The following C1orf21 variants were observed in gnomAD, a reference collection of about 807,000 sequenced individuals.
C1orf21 encodes chromosome 1 open reading frame 21, also known as uncharacterized protein C1orf21.
Under a neutral mutation model 18.7 loss-of-function variants are expected in C1orf21, and 3 were observed. That is an observed-to-expected ratio of 0.16 (90% CI 0.07 to 0.42). The LOEUF (loss-of-function observed/expected upper bound fraction) is 0.42, where lower values mean the gene tolerates loss of function less well. Among genes scored for constraint, C1orf21 ranks in the 10% least tolerant of loss-of-function variants. The pLI is 0.99. For synonymous variants in C1orf21, 41 were observed against 46.4 expected (o/e 0.88, Z 0.47); for missense variants, 104 against 143.6 (o/e 0.72, Z 1.41).
intron 2 of C1orf21, among the ~76,000 whole-genome samples, chr1:184,479,395 A>G (rs947696263): frequency 3.9e-5 from 6 of 152,348 alleles, no homozygotes; most frequent in Admixed American, 3.9e-4. Context: ...TGTGTCAAAC[A>G]TCGCAAGGCA....
chr1:184,491,218 GACAGTA>G (rs1657812098), intron 2 of C1orf21, among the ~76,000 whole-genome samples: 1 of 152,020 alleles, frequency 6.6e-6, no homozygotes, highest in Non-Finnish European at 1.5e-5. Flanking sequence ...TCATCTTTAT[GACAGTA>G]AAGTTTAGCA....
intron 1 of C1orf21, among the ~76,000 whole-genome samples, chr1:184,415,328 C>T (rs11809247): frequency 0.018 from 2,684 of 152,272 alleles, 81 homozygotes; most frequent in African/African-American, 0.061. Flanking sequence ...ACTCCTTACT[C>T]GGTAAGTGTC....
chr1:184,389,399 T>C (rs1205214274), intron 1 of C1orf21, among the ~76,000 whole-genome samples: 2 of 152,330 alleles, frequency 1.3e-5, no homozygotes, highest in Non-Finnish European at 2.9e-5. Context: ...CTTCTCAGGG[T>C]TGACTTAATT....
chr1:184,461,883 A>G (rs1426336882), intron 1 of C1orf21, among the ~76,000 whole-genome samples: 1 of 152,290 alleles, frequency 6.6e-6, no homozygotes, highest in Middle Eastern at 3.4e-3. Flanking sequence ...CTGCTTTCCT[A>G]TGTCCTGACC....
At position 184,624,686 on chromosome 1, in the gene C1orf21, T is replaced by G. The variant is rs1350412285; in HGVS notation, c.*5130T>G. ...GGGGATCTGCATCTTCCAGGTCCAT[T>G]TAAGCACTGAAACTAGATGCAAATC... On this transcript the variant is annotated 3_prime_UTR_variant, in exon 6 of 6. Coordinates refer to ENST00000235307, the MANE Select transcript of C1orf21 (RefSeq NM_030806.4). 6.6e-6 allele frequency: 1 copy of G among 152,222 alleles called. No individual in the cohort carries two copies. Among genetic ancestry groups the G allele is most frequent in the Non-Finnish European group, 1.5e-5 (1 of 68,044 alleles). 9.4% of individuals were successfully genotyped at this position (152,222 alleles called of 1,614,324 possible). A position where few individuals can be genotyped will look rare whatever the true frequency, so the allele number is the denominator to read the frequency against.
At chr1:184,449,512 A>G (rs949424125) in intron 1 of C1orf21, among the ~76,000 whole-genome samples, 7 of 152,152 alleles carry the variant, frequency 4.6e-5, no homozygotes, top group African/African-American at 7.2e-5. Context: ...ATAAACATAT[A>G]TGTGCATGTG....
chr1:184,495,446 A>G (rs1657877678), intron 2 of C1orf21, among the ~76,000 whole-genome samples: 2 of 152,158 alleles, frequency 1.3e-5, no homozygotes, highest in Non-Finnish European at 1.5e-5. Flanking sequence ...ATCTCTGTGG[A>G]GGTCAAACCA....
intron 2 of C1orf21, among the ~76,000 whole-genome samples, chr1:184,491,110 C>T (rs1021475410): frequency 2.0e-5 from 3 of 152,026 alleles, no homozygotes; most frequent in East Asian, 3.9e-4. Context: ...TAATAAAACA[C>T]TTAAAATAAT....
chr1:184,613,905 G>T (rs1227172357), intron 5 of C1orf21, among the ~76,000 whole-genome samples: 2 of 152,100 alleles, frequency 1.3e-5, no homozygotes, highest in Non-Finnish European at 2.9e-5. Context: ...TACTTGGGAG[G>T]CTGAGGAAGG....
intron 1 of C1orf21, among the ~76,000 whole-genome samples, chr1:184,409,665 A>G (rs763877047): frequency 6.6e-6 from 1 of 152,136 alleles, no homozygotes; most frequent in Non-Finnish European, 1.5e-5. Context: ...CCAGCACACC[A>G]CCTGATTCAG....
At chr1:184,397,599 A>AAC (rs1316953770) in intron 1 of C1orf21, among the ~76,000 whole-genome samples, 1 of 151,508 alleles carries the variant, frequency 6.6e-6, no homozygotes, top group South Asian at 2.1e-4. Flanking sequence ...AAGAAAAAAA[A>AAC]ACAACTGTAT....
At chr1:184,397,814 G>C (rs139254080) in intron 1 of C1orf21, among the ~76,000 whole-genome samples, 1 of 152,292 alleles carries the variant, frequency 6.6e-6, no homozygotes, top group Non-Finnish European at 1.5e-5. Context: ...TTATAAGTGT[G>C]TGCGTTAATT....
chr1:184,441,531 A>G (rs1656945116), intron 1 of C1orf21, among the ~76,000 whole-genome samples: 1 of 152,236 alleles, frequency 6.6e-6, no homozygotes, highest in African/African-American at 2.4e-5. Flanking sequence ...GGAGGGCAGT[A>G]GGAATGTTGA....
intron 3 of C1orf21, among the ~76,000 whole-genome samples, chr1:184,568,007 T>C (rs943843037): frequency 6.6e-6 from 1 of 152,144 alleles, no homozygotes; most frequent in Non-Finnish European, 1.5e-5. Flanking sequence ...GCACCATGGC[T>C]GAAGACAGCC....
At chr1:184,400,514 A>G (rs1248478962) in intron 1 of C1orf21, among the ~76,000 whole-genome samples, 1 of 152,096 alleles carries the variant, frequency 6.6e-6, no homozygotes, top group Admixed American at 6.5e-5. Context: ...TGCACCTTGC[A>G]TTTTGTACTT....
At chr1:184,521,995 T>C (rs1325711652) in intron 3 of C1orf21, among the ~76,000 whole-genome samples, 1 of 152,156 alleles carries the variant, frequency 6.6e-6, no homozygotes, top group African/African-American at 2.4e-5. Flanking sequence ...CTGAAAACAC[T>C]ATAAATGTAT....
intron 3 of C1orf21, among the ~76,000 whole-genome samples, chr1:184,536,843 T>C (rs1658564144): frequency 9.0e-6 from 1 of 110,882 alleles, no homozygotes; most frequent in Admixed American, 8.9e-5. Context: ...GTGTATTCTT[T>C]TGTGGAAAAA....
At chr1:184,425,327 G>T (rs1006006293) in intron 1 of C1orf21, among the ~76,000 whole-genome samples, 6 of 151,692 alleles carry the variant, frequency 4.0e-5, no homozygotes, top group African/African-American at 1.5e-4. Context: ...GAGTGCAGTG[G>T]TGTGATCTTG....
At chr1:184,469,585 G>C (rs1039071659) in intron 1 of C1orf21, among the ~76,000 whole-genome samples, 1 of 152,194 alleles carries the variant, frequency 6.6e-6, no homozygotes, top group Non-Finnish European at 1.5e-5. Flanking sequence ...GTTTCTGAGA[G>C]ATTAATCCAG....
Sources: allele counts gnomAD v4.1 joint callset (sites outside exome capture counted in the v4.1 genomes callset), GRCh38; gene constraint gnomAD v4.1.1; transcripts MANE v1.5; gene names NCBI Gene and HGNC (gene_info 2026-07-23, HGNC 2026-07-21).